Variants in FBXO11 observed in about 807,000 individuals in gnomAD.
FBXO11 encodes the protein F-box only protein 11.
In FBXO11, 13 loss-of-function variants were observed where a neutral mutation model predicts 117.0. The ratio of observed to expected loss-of-function variants is 0.11; its 90% CI spans 0.07 to 0.18. FBXO11 has a LOEUF of 0.18. Ranked by LOEUF, FBXO11 falls within the 10% of genes least tolerant of loss-of-function variation. FBXO11 has a pLI of 1.00. For missense variants in FBXO11, 767 were observed against 1,164.4 expected (o/e 0.66, Z 4.97); for synonymous variants, 490 against 380.5 (o/e 1.29, Z -3.35).
chr2:47,900,663 CGT>C (rs774965548), intron 1 of FBXO11, among the ~76,000 whole-genome samples: 8 of 75,928 alleles, frequency 1.1e-4, no homozygotes, highest in East Asian at 2.7e-3. Flanking sequence ...TATACACACA[CGT>C]ACGTATATAC....
Position 47,835,990 on chromosome 2 carries a change from T to A in FBXO11, c.599A>T (p.Tyr200Phe), listed in dbSNP as rs761173497. The A allele has an allele frequency of 6.3e-7, 1 of 1,599,634 alleles. No homozygotes were observed. The highest frequency in any genetic ancestry group is 2.2e-5 in the East Asian group (1 of 44,646). ...GCGAGTATATTCAAATACTTCCATA[T>A]ATAATCGTTTCCTGAACAGAGAAAG... Reference protein sequence around the residue: ...ANDPILWKRLYMEVFEYTRPM... With the variant: ...ANDPILWKRLFMEVFEYTRPM... Residue 200 changes from tyrosine (Y) to phenylalanine (F), a missense_variant, in exon 5 of 23, where the codon TAT becomes TTT. Physicochemically the swap from Tyr to Phe is conservative, Grantham distance 22 (BLOSUM62 3). Coordinates refer to ENST00000403359, the MANE Select transcript of FBXO11 (RefSeq NM_001190274.2).
chr2:47,868,331 T>C (rs1403651788), intron 1 of FBXO11, among the ~76,000 whole-genome samples: 1 of 151,054 alleles, frequency 6.6e-6, no homozygotes, highest in African/African-American at 2.4e-5. Flanking sequence ...GTGAAATCTC[T>C]GGAAGCTTTC....
At chr2:47,810,284 A>G (rs762710892) in intron 19 of FBXO11, 32 bp downstream of exon 19, 18 of 1,421,534 alleles carry the variant, frequency 1.3e-5, no homozygotes, top group Middle Eastern at 1.9e-4. Flanking sequence ...AGAACTATAT[A>G]TAAGCCACAG....
Position 47,883,498 on chromosome 2 carries a change from T to C in FBXO11, c.232+21991A>G. On this transcript the variant is annotated intron_variant, in intron 1 of 22. Transcript: ENST00000403359. ...ACCCTTATGGGGAAGACCATCACCC[T>C]CCAGATTGAACCCTTGGATACAACA... is the stretch of plus-strand genomic sequence containing the variant. The C allele has an allele frequency of 4.8e-6, 2 of 414,128 alleles. 1 individual carries two copies. Among genetic ancestry groups the C allele is most frequent in the South Asian group, 3.8e-5 (2 of 52,416 alleles). The allele number at this position is 414,128 out of a possible 1,614,324, so 25.7% of individuals were successfully genotyped here. A position where few individuals can be genotyped will look rare whatever the true frequency, so the allele number is the denominator to read the frequency against.
chr2:47,817,709 G>T (rs1233930377), intron 16 of FBXO11, among the ~76,000 whole-genome samples: 1 of 152,240 alleles, frequency 6.6e-6, no homozygotes, highest in Non-Finnish European at 1.5e-5. Context: ...TGTGTCTCAG[G>T]CAATAGGGAA....
intron 1 of FBXO11, among the ~76,000 whole-genome samples, chr2:47,890,834 T>C (rs1458864670): frequency 6.6e-6 from 1 of 152,098 alleles, no homozygotes; most frequent in South Asian, 2.1e-4. Flanking sequence ...ATTATTATTA[T>C]TGAGACACAG....
At chr2:47,884,041 G>A (rs1362356761) in intron 1 of FBXO11, 1 of 152,352 alleles carries the variant, frequency 6.6e-6, no homozygotes, top group East Asian at 1.9e-4. Context: ...CCAACGTGGT[G>A]AAACCCCATC....
intron 1 of FBXO11, among the ~76,000 whole-genome samples, chr2:47,861,038 T>C (rs1179136490): frequency 1.3e-5 from 2 of 151,512 alleles, no homozygotes; most frequent in Non-Finnish European, 1.5e-5. Flanking sequence ...TTAGTAGAGA[T>C]GGGGTTTCTC....
chr2:47,876,429 C>G (rs1191260071), intron 1 of FBXO11, among the ~76,000 whole-genome samples: 1 of 152,192 alleles, frequency 6.6e-6, no homozygotes, highest in Non-Finnish European at 1.5e-5. Flanking sequence ...CTTTGGTTCT[C>G]CCATCAAGCT....
At chr2:47,826,489 C>T (rs1008461993) in intron 11 of FBXO11, among the ~76,000 whole-genome samples, 4 of 152,172 alleles carry the variant, frequency 2.6e-5, no homozygotes, top group Non-Finnish European at 4.4e-5. Context: ...TGTACTTAGT[C>T]TTCACTTTCC....
intron 11 of FBXO11, among the ~76,000 whole-genome samples, chr2:47,829,819 G>C (rs112940063): frequency 6.6e-6 from 1 of 152,062 alleles, no homozygotes; most frequent in East Asian, 1.9e-4. Flanking sequence ...GTAGTAAAAC[G>C]TATGAGGTAT....
intron 11 of FBXO11, among the ~76,000 whole-genome samples, chr2:47,828,415 C>T (rs1671924803): frequency 6.6e-6 from 1 of 152,252 alleles, no homozygotes. Context: ...CTAGACCAGC[C>T]TGGCCAACAT....
At chr2:47,822,390 T>C in intron 12 of FBXO11, 87 bp from the exon 13 acceptor site, 2 of 752,068 alleles carry the variant, frequency 2.7e-6, no homozygotes, top group Non-Finnish European at 4.4e-6. Flanking sequence ...CTCATGGTCA[T>C]ATAACAAATT....
At chr2:47,838,785 C>G (rs373025602) in intron 4 of FBXO11, 74 bp downstream of exon 4, 2 of 1,454,578 alleles carry the variant, frequency 1.4e-6, no homozygotes, top group South Asian at 1.3e-5. Context: ...ACCGCACCGA[C>G]TTTCCTACCA....
At chr2:47,902,071 G>A (rs1164700595) in intron 1 of FBXO11, among the ~76,000 whole-genome samples, 1 of 152,208 alleles carries the variant, frequency 6.6e-6, no homozygotes, top group African/African-American at 2.4e-5. Flanking sequence ...GAGTAGCTGG[G>A]ATTACAGGCG....
rs951899787 is a variant in FBXO11 at position 47,853,265 on chromosome 2, C to T, written c.233-13496G>A. Among the ~76,000 whole-genome samples, 36 of 151,924 alleles carry T rather than the reference C, an allele frequency of 2.4e-4. No individual in the cohort carries two copies. In the East Asian group the frequency reaches 2.5e-3, roughly 11 times the overall value. On this transcript the variant is annotated intron_variant, in intron 1 of 22. Transcript: ENST00000403359. Reference sequence around the variant, plus strand: ...CTTTGTATTTTCAGTACAGACGGGGCTTCACCACGTTGGCCAGGCTGGTCT... The same window carrying T: ...CTTTGTATTTTCAGTACAGACGGGGTTTCACCACGTTGGCCAGGCTGGTCT...
At chr2:47,813,598 A>C (rs535364082) in intron 17 of FBXO11, among the ~76,000 whole-genome samples, 193 bp downstream of exon 17, 2 of 151,440 alleles carry the variant, frequency 1.3e-5, no homozygotes, top group Non-Finnish European at 2.9e-5. Context: ...TGTCCAACTA[A>C]TTTTTGTAAT....
intron 11 of FBXO11, among the ~76,000 whole-genome samples, chr2:47,826,311 C>T (rs577069601): frequency 1.2e-3 from 185 of 152,214 alleles, no homozygotes; most frequent in African/African-American, 4.2e-3. Flanking sequence ...CCCGCCTCGG[C>T]CTCCCAAAGT....
At chr2:47,881,538 T>C (rs1676432078) in intron 1 of FBXO11, among the ~76,000 whole-genome samples, 1 of 152,150 alleles carries the variant, frequency 6.6e-6, no homozygotes, top group Non-Finnish European at 1.5e-5. Context: ...TAGCATTATC[T>C]TTAGTGTTTT....
Sources: gnomAD v4.1 joint callset for allele counts (sites outside exome capture counted in the v4.1 genomes callset) on GRCh38, gnomAD v4.1.1 for gene constraint, MANE v1.5 for transcripts, NCBI Gene and HGNC (gene_info 2026-07-23, HGNC 2026-07-21) for gene names.